The following PTDSS2 variants were observed in gnomAD, a reference collection of about 807,000 sequenced individuals.
PTDSS2 encodes PSS-2.
A neutral mutation model predicts 64.7 loss-of-function variants in PTDSS2; 41 were observed. The ratio of observed to expected loss-of-function variants is 0.63; its 90% CI spans 0.49 to 0.82. The LOEUF is 0.82. Ranked by LOEUF, PTDSS2 falls within the 40% of genes least tolerant of loss-of-function variation. The pLI is 0.00. For synonymous variants in PTDSS2, 297 were observed against 277.8 expected (o/e 1.07, Z -0.69); for missense variants, 485 against 650.0 (o/e 0.75, Z 2.76).
chr11:472,442 A>G (rs1157806317), intron 2 of PTDSS2, among the ~76,000 whole-genome samples: 2 of 152,186 alleles, frequency 1.3e-5, no homozygotes, highest in African/African-American at 4.8e-5. Context: ...CTGGAGGCTG[A>G]CAGCGGTAGT....
chr11:466,998 T>C (rs1847176431), intron 2 of PTDSS2, among the ~76,000 whole-genome samples: 1 of 151,976 alleles, frequency 6.6e-6, no homozygotes, highest in Admixed American at 6.6e-5. Context: ...AAGGCTGCAG[T>C]GAGCCAAGAT....
At chr11:486,614 G>A (rs1848402810) in intron 4 of PTDSS2, among the ~76,000 whole-genome samples, 1 of 151,968 alleles carries the variant, frequency 6.6e-6, no homozygotes, top group African/African-American at 2.4e-5. Context: ...AGGCCGAAGT[G>A]GGCGGATCAC....
At chr11:485,802 G>A (rs75208405) in intron 4 of PTDSS2, among the ~76,000 whole-genome samples, 3 of 104,458 alleles carry the variant, frequency 2.9e-5, no homozygotes, top group East Asian at 5.9e-4. Context: ...GCAGGCGAGC[G>A]TAAACAGTGC....
At chr11:487,589 G>C (rs1432125205) in intron 6 of PTDSS2, 119 bp downstream of exon 6, 2 of 931,458 alleles carry the variant, frequency 2.1e-6, no homozygotes, top group Non-Finnish European at 1.7e-6. Context: ...GGAGGGTGTC[G>C]CACTGCAGCC....
intron 3 of PTDSS2, among the ~76,000 whole-genome samples, chr11:478,227 A>AT (rs917748873): frequency 6.6e-6 from 1 of 151,784 alleles, no homozygotes; most frequent in African/African-American, 2.4e-5. Flanking sequence ...GAATTGAAAG[A>AT]TTTTTTTAAC....
intron 4 of PTDSS2, among the ~76,000 whole-genome samples, chr11:484,124 C>G (rs1242253520): frequency 2.0e-5 from 3 of 152,190 alleles, no homozygotes; most frequent in Non-Finnish European, 4.4e-5. Flanking sequence ...TGTGGACGTA[C>G]AGATACTTGT....
chr11:491,004 C>G lies in PTDSS2; in HGVS notation c.*422C>G, dbSNP rs1848660352. ...TCTGGCCCACCAAGCTCCCTGTCACCCAGCCATGGTGTGGTCCAGGCAGGG... is the reference window on the plus strand; with the variant it reads ...TCTGGCCCACCAAGCTCCCTGTCACGCAGCCATGGTGTGGTCCAGGCAGGG... On this transcript the variant is annotated 3_prime_UTR_variant, in exon 12 of 12. Coordinates refer to ENST00000308020, the MANE Select transcript of PTDSS2 (RefSeq NM_030783.3). The G allele has an allele frequency of 5.1e-6, 1 of 195,662 alleles. No homozygotes were observed. Among genetic ancestry groups the G allele is most frequent in the African/African-American group, 2.4e-5 (1 of 42,458 alleles). The allele number at this position is 195,662 out of a possible 1,614,324, so 12.1% of individuals were successfully genotyped here. A position where few individuals can be genotyped will look rare whatever the true frequency, so the allele number is the denominator to read the frequency against.
chr11:486,608 C>T (rs568631736), intron 4 of PTDSS2, among the ~76,000 whole-genome samples: 3 of 151,698 alleles, frequency 2.0e-5, no homozygotes, highest in Non-Finnish European at 4.4e-5. Flanking sequence ...TTTGGGAGGC[C>T]GAAGTGGGCG....
At chr11:452,030 C>G (rs1047946027) in intron 1 of PTDSS2, among the ~76,000 whole-genome samples, 1 of 152,130 alleles carries the variant, frequency 6.6e-6, no homozygotes, top group Admixed American at 6.5e-5. Context: ...GCTGTCCTCC[C>G]GCAGCACAGC....
chr11:462,537 T>C lies in PTDSS2; in HGVS notation c.284+2249T>C, dbSNP rs1846939963. Among the ~76,000 whole-genome samples the C allele has an allele frequency of 6.6e-6, 1 of 152,232 alleles. No individual in the cohort carries two copies. Among genetic ancestry groups the C allele is most frequent in the African/African-American group, 2.4e-5 (1 of 41,458 alleles). On this transcript the variant is annotated intron_variant, in intron 2 of 11. Coordinates refer to ENST00000308020, the MANE Select transcript of PTDSS2 (RefSeq NM_030783.3). The surrounding 1 kb of genome is among the most constrained non-coding windows in gnomAD (Gnocchi z 4.5). ...CCTGTCCTTCTCTGCTGCTGGCACC[T>C]AGAACCTGCTCTGGGCTCCTTCCTG... is the stretch of plus-strand genomic sequence containing the variant.
At chr11:469,094 G>A (rs112154100) in intron 2 of PTDSS2, among the ~76,000 whole-genome samples, 1 of 115,166 alleles carries the variant, frequency 8.7e-6, no homozygotes, top group African/African-American at 3.5e-5. Flanking sequence ...GGTAATCGGA[G>A]GGAGGAGGAG....
intron 4 of PTDSS2, among the ~76,000 whole-genome samples, chr11:484,507 G>A (rs1848206775): frequency 6.6e-6 from 1 of 152,062 alleles, no homozygotes; most frequent in Admixed American, 6.6e-5. Flanking sequence ...CCAGTGCAGG[G>A]GTGCGTGTGT....
chr11:475,169 G>A (rs1387074673), intron 3 of PTDSS2, among the ~76,000 whole-genome samples: 1 of 145,036 alleles, frequency 6.9e-6, no homozygotes, highest in African/African-American at 2.6e-5. Flanking sequence ...ACGCGTTTGT[G>A]ATACGGACAT....
At position 489,870 on chromosome 11, in the gene PTDSS2, G is replaced by A. The variant is rs1005230004; in HGVS notation, c.1116-13G>A. The stretch of plus-strand genomic sequence containing the variant: ...CGGGGCCCGGGACGCTGAACCCCCT[G>A]CTGCCCCTGCAGGAAGCCCCACAAG... On this transcript the variant is annotated splice_polypyrimidine_tract_variant and intron_variant, in intron 10 of 11. Transcript: ENST00000308020. 6.4e-7 allele frequency: 1 copy of A among 1,570,998 alleles called. No individual in the cohort carries two copies. The highest frequency in any genetic ancestry group is 8.6e-7 in the Non-Finnish European group (1 of 1,161,112).
chr11:453,733 G>A (rs939027622), intron 1 of PTDSS2, among the ~76,000 whole-genome samples: 11 of 152,364 alleles, frequency 7.2e-5, no homozygotes, highest in African/African-American at 1.7e-4. Flanking sequence ...CCATCCAGGC[G>A]TGGCCTTTCC....
Position 460,638 on chromosome 11 carries a change from G to C in PTDSS2, c.284+350G>C, listed in dbSNP as rs1846833759. 4.4e-6 allele frequency: 1 copy of C among 225,010 alleles called. No homozygotes were observed. The highest frequency in any genetic ancestry group is 2.3e-5 in the African/African-American group (1 of 44,180). The allele number at this position is 225,010 out of a possible 1,614,324, so 13.9% of individuals were successfully genotyped here. On this transcript the variant is annotated intron_variant, in intron 2 of 11. Coordinates refer to ENST00000308020, the MANE Select transcript of PTDSS2 (RefSeq NM_030783.3). The surrounding 1 kb of genome is among the most constrained non-coding windows in gnomAD (Gnocchi z 5.8). ...CCCTTGAGTTTGGGCGTCTCCGGGG[G>C]TGAGGTTCCTGCGGTGGCCGCGTGC... is the stretch of plus-strand genomic sequence containing the variant.
chr11:487,599 C>T (rs538603585), intron 6 of PTDSS2, 129 bp downstream of exon 6: 2 of 867,702 alleles, frequency 2.3e-6, no homozygotes, highest in Non-Finnish European at 3.8e-6. Flanking sequence ...GCACTGCAGC[C>T]ACCCAGAGGT....
chr11:449,656 T>TCGGTCCGGGC (rs1244950887), upstream of PTDSS2, among the ~76,000 whole-genome samples: 1 of 152,180 alleles, frequency 6.6e-6, no homozygotes, highest in Non-Finnish European at 1.5e-5. Context: ...TGCGAAAGAA[T>TCGGTCCGGGC]GACCCAGACC....
chr11:474,739 G>A (rs541276134), intron 3 of PTDSS2, among the ~76,000 whole-genome samples: 1 of 152,116 alleles, frequency 6.6e-6, no homozygotes, highest in South Asian at 2.1e-4. Context: ...TGTTTCAACA[G>A]GAGTATGTAT....
Sources: allele counts gnomAD v4.1 joint callset (sites outside exome capture counted in the v4.1 genomes callset), GRCh38; gene constraint gnomAD v4.1.1; non-coding constraint Gnocchi (gnomAD v3.1); transcripts MANE v1.5; gene names NCBI Gene and HGNC (gene_info 2026-07-23, HGNC 2026-07-21).